Variants in MAPRE2 observed in about 807,000 individuals in gnomAD.
The protein encoded by MAPRE2 is microtubule associated protein RP/EB family member 2, also known as microtubule-associated protein RP/EB family member 2.
A neutral mutation model predicts 43.2 loss-of-function variants in MAPRE2; 13 were observed. The observed-to-expected ratio is 0.30, with a 90% confidence interval of 0.20 to 0.48. The LOEUF is 0.48. Among genes scored for constraint, MAPRE2 ranks in the 20% least tolerant of loss-of-function variants. The pLI, the probability that MAPRE2 is intolerant of heterozygous loss-of-function variation, is 0.99. For synonymous variants in MAPRE2, 135 were observed against 148.8 expected (o/e 0.91, Z 0.68); for missense variants, 161 against 400.2 (o/e 0.40, Z 5.10).
intron 1 of MAPRE2, among the ~76,000 whole-genome samples, chr18:34,997,573 T>C (rs982244139): frequency 1.4e-4 from 22 of 152,326 alleles, no homozygotes; most frequent in African/African-American, 5.3e-4. Context: ...CCCAGCACTT[T>C]GGGAGGCTGA....
At chr18:35,107,473 C>G (rs1359298533) in intron 4 of MAPRE2, among the ~76,000 whole-genome samples, 1 of 151,448 alleles carries the variant, frequency 6.6e-6, no homozygotes, top group Non-Finnish European at 1.5e-5. Context: ...CATCTAAGTA[C>G]TCATCACCTC....
At chr18:35,063,354 G>T (rs558440991) in intron 1 of MAPRE2, among the ~76,000 whole-genome samples, 1 of 151,948 alleles carries the variant, frequency 6.6e-6, no homozygotes, top group Non-Finnish European at 1.5e-5. Flanking sequence ...TGATCCGCCC[G>T]CCTTGTCCTC....
chr18:34,993,376 T>A (rs531503889), intron 1 of MAPRE2, among the ~76,000 whole-genome samples: 2 of 151,928 alleles, frequency 1.3e-5, no homozygotes, highest in Non-Finnish European at 2.9e-5. Context: ...GTGTTGGGAT[T>A]ACAGGCATGA....
intron 1 of MAPRE2, among the ~76,000 whole-genome samples, chr18:35,063,117 T>A (rs903751376): frequency 6.6e-6 from 1 of 152,092 alleles, no homozygotes; most frequent in African/African-American, 2.4e-5. Flanking sequence ...TGTTGTTTTT[T>A]TTTTGAGATG....
chr18:35,027,227 T>A (rs1044367737), intron 2 of MAPRE2, among the ~76,000 whole-genome samples: 48 of 152,204 alleles, frequency 3.2e-4, no homozygotes, highest in Non-Finnish European at 5.7e-4. Flanking sequence ...ATGTTACCAG[T>A]GGTGTTGATA....
intron 1 of MAPRE2, among the ~76,000 whole-genome samples, chr18:34,996,586 A>G (rs978578743): frequency 3.3e-5 from 5 of 152,166 alleles, no homozygotes; most frequent in African/African-American, 1.2e-4. Context: ...TTCAAAGTAC[A>G]ACAAACATGG....
At chr18:35,001,987 T>C (rs2097029621) in intron 1 of MAPRE2, among the ~76,000 whole-genome samples, 1 of 152,196 alleles carries the variant, frequency 6.6e-6, no homozygotes, top group African/African-American at 2.4e-5. Context: ...TACAGCACAA[T>C]GTCACAACCA....
chr18:34,989,737 G>T lies in MAPRE2; in HGVS notation c.-70+12658G>T, dbSNP rs377487074. Among the ~76,000 whole-genome samples, 12 of 151,220 alleles carry T rather than the reference G, an allele frequency of 7.9e-5. No homozygotes were observed. In the East Asian group the frequency reaches 9.7e-4, roughly 12 times the overall value. On this transcript the variant is annotated intron_variant, in intron 1 of 7. Transcript: ENST00000413393. ...CTCTCTGTCTTTTTTTTTTTAAGTT[G>T]TGGTCCATTGACCAGTGGCATCAGC...
intron 1 of MAPRE2, among the ~76,000 whole-genome samples, chr18:35,065,193 G>A (rs957658128): frequency 6.6e-6 from 1 of 152,032 alleles, no homozygotes; most frequent in Non-Finnish European, 1.5e-5. Context: ...AGCTATTTGG[G>A]AGGCTGAAGC....
chr18:35,077,208 TTCTC>T (rs367688469), intron 2 of MAPRE2, among the ~76,000 whole-genome samples: 4 of 151,014 alleles, frequency 2.6e-5, no homozygotes, highest in African/African-American at 4.9e-5. Flanking sequence ...TCTCAATAAG[TTCTC>T]TCTCTCTCTC....
rs543258452 is a variant in MAPRE2, at chr18:35,142,077, T to C, written c.*1708T>C. 1 of 152,354 alleles carries C rather than the reference T, an allele frequency of 6.6e-6. No homozygotes were observed. Among genetic ancestry groups the C allele is most frequent in the Admixed American group, 6.5e-5 (1 of 15,302 alleles). 9.4% of individuals were successfully genotyped at this position (152,354 alleles called of 1,614,324 possible). On this transcript the variant is annotated 3_prime_UTR_variant, in exon 7 of 7. Transcript: ENST00000300249. ...GTGTTTGGTTTCCCTTTCTTCTCTC[T>C]CCTGCTCACTCTGCATTATAGCAGC...
intron 1 of MAPRE2, among the ~76,000 whole-genome samples, chr18:34,998,123 T>C (rs2097027420): frequency 6.6e-6 from 1 of 152,122 alleles, no homozygotes; most frequent in East Asian, 1.9e-4. Context: ...GTTACTGATG[T>C]GGCCCCCAAA....
chr18:35,045,754 G>A (rs567753658), intron 1 of MAPRE2, among the ~76,000 whole-genome samples: 4 of 152,128 alleles, frequency 2.6e-5, no homozygotes, highest in Admixed American at 6.5e-5. Flanking sequence ...AAAAGTCTAC[G>A]TTCATGTCTT....
chr18:35,021,699 G>T (rs2097042027), intron 2 of MAPRE2, among the ~76,000 whole-genome samples: 1 of 151,894 alleles, frequency 6.6e-6, no homozygotes, highest in South Asian at 2.1e-4. Context: ...AGTATCACAG[G>T]GTATAAAGCA....
At chr18:35,116,489 T>C (rs1909416322) in intron 4 of MAPRE2, among the ~76,000 whole-genome samples, 1 of 152,198 alleles carries the variant, frequency 6.6e-6, no homozygotes, top group Non-Finnish European at 1.5e-5. Context: ...AATCCAGGTA[T>C]CCACTGGGGT....
At chr18:34,992,716 C>A (rs1367149865) in intron 1 of MAPRE2, among the ~76,000 whole-genome samples, 1 of 152,114 alleles carries the variant, frequency 6.6e-6, no homozygotes, top group African/African-American at 2.4e-5. Flanking sequence ...ACATTGAATT[C>A]TTTAAATTGG....
chr18:35,083,267 A>C (rs1907726442), intron 2 of MAPRE2, among the ~76,000 whole-genome samples: 1 of 152,206 alleles, frequency 6.6e-6, no homozygotes, highest in Non-Finnish European at 1.5e-5. Context: ...GGGTAATACA[A>C]GTGTGTGAGA....
intron 2 of MAPRE2, among the ~76,000 whole-genome samples, chr18:35,009,410 A>G (rs1450581011): frequency 6.6e-6 from 1 of 152,228 alleles, no homozygotes; most frequent in Non-Finnish European, 1.5e-5. Context: ...TTAAAAAATC[A>G]TTATAAGGGT....
chr18:35,089,392 A>G (rs1166924009), intron 2 of MAPRE2, among the ~76,000 whole-genome samples: 35 of 152,200 alleles, frequency 2.3e-4, no homozygotes, highest in Non-Finnish European at 1.5e-5. Flanking sequence ...GGGAGAAAAT[A>G]TTTACAAATC....
Sources: allele counts gnomAD v4.1 joint callset (sites outside exome capture counted in the v4.1 genomes callset), GRCh38; gene constraint gnomAD v4.1.1; transcripts MANE v1.5; gene names NCBI Gene and HGNC (gene_info 2026-07-23, HGNC 2026-07-21).